The following HERC3 variants were observed in gnomAD, a reference collection of about 807,000 sequenced individuals.
The protein encoded by HERC3 is probable E3 ubiquitin-protein ligase HERC3.
Under a neutral mutation model 129.9 loss-of-function variants are expected in HERC3, and 58 were observed. That is an observed-to-expected ratio of 0.45 (90% CI 0.36 to 0.56). The LOEUF is 0.56. Ranked by LOEUF, HERC3 falls within the 20% of genes least tolerant of loss-of-function variation. The pLI is 0.00. For missense variants in HERC3, 835 were observed against 1,244.2 expected (o/e 0.67, Z 4.95); for synonymous variants, 430 against 451.0 (o/e 0.95, Z 0.59).
At chr4:88,644,651 T>C (rs1423675213) in intron 3 of HERC3, among the ~76,000 whole-genome samples, 3 of 152,034 alleles carry the variant, frequency 2.0e-5, no homozygotes, top group Admixed American at 6.6e-5. Flanking sequence ...ATTTTTGGGG[T>C]GATGGGACTG....
rs376384871 is a variant in HERC3 at position 88,685,596 on chromosome 4, G to A, written c.2508-1140G>A. On this transcript the variant is annotated intron_variant, in intron 21 of 25. Coordinates refer to ENST00000402738, the MANE Select transcript of HERC3 (RefSeq NM_014606.3). ...GGAACATCACACACTGGGGCCTTTC[G>A]GGTGGTGGAGGTGGGAACGGGAGGG... 1.1e-4 allele frequency among the ~76,000 whole-genome samples: 17 copies of A among 152,162 alleles called. No individual in the cohort carries two copies. The East Asian group carries it at 2.1e-3, about 19-fold the overall frequency.
intron 10 of HERC3, among the ~76,000 whole-genome samples, chr4:88,659,151 C>T (rs1730224686): frequency 6.6e-6 from 1 of 152,202 alleles, no homozygotes; most frequent in African/African-American, 2.4e-5. Context: ...TGGACTCCTT[C>T]CCCTGTGCTT....
At chr4:88,695,195 G>T (rs1734477840) in intron 23 of HERC3, among the ~76,000 whole-genome samples, 1 of 151,900 alleles carries the variant, frequency 6.6e-6, no homozygotes, top group Admixed American at 6.6e-5. Flanking sequence ...TTCTCTTTTG[G>T]TTGGCCTGAG....
At chr4:88,654,410 T>TTA (rs952017166) in intron 7 of HERC3, among the ~76,000 whole-genome samples, 26 of 139,228 alleles carry the variant, frequency 1.9e-4, no homozygotes, top group African/African-American at 2.6e-4. Context: ...ATAATGTAGA[T>TTA]TATATATATA....
chr4:88,702,419 C>G (rs142793606), intron 23 of HERC3, among the ~76,000 whole-genome samples: 3 of 152,190 alleles, frequency 2.0e-5, no homozygotes, highest in African/African-American at 7.2e-5. Flanking sequence ...AGAGCTACTA[C>G]CTTTTATAAG....
chr4:88,686,464 T>A (rs1733473408), intron 21 of HERC3, among the ~76,000 whole-genome samples: 1 of 152,196 alleles, frequency 6.6e-6, no homozygotes, highest in Admixed American at 6.5e-5. Context: ...CACAAGTATG[T>A]CAGATTAAAA....
At position 88,686,720 on chromosome 4, in the gene HERC3, G is replaced by A. The variant is rs1733511355; in HGVS notation, c.2508-16G>A. On this transcript the variant is annotated splice_polypyrimidine_tract_variant and intron_variant, in intron 21 of 25. Transcript: ENST00000402738. Reference sequence around the variant, plus strand: ...TCTGACTTGCCACTTTTCCTTTTCTGTCATTCTATGATTAGGAGTCTCCAA... The same window carrying A: ...TCTGACTTGCCACTTTTCCTTTTCTATCATTCTATGATTAGGAGTCTCCAA... 3.2e-6 allele frequency: 5 copies of A among 1,583,354 alleles called. No individual in the cohort carries two copies. Among genetic ancestry groups the A allele is most frequent in the Non-Finnish European group, 4.3e-6 (5 of 1,152,676 alleles).
the HERC3 span, among the ~76,000 whole-genome samples, chr4:88,556,020 AG>A: frequency 2.0e-5 from 3 of 152,208 alleles, no homozygotes; most frequent in African/African-American, 2.4e-5. Flanking sequence ...GAGTTAAAGG[AG>A]GTTTGAAATT....
chr4:88,596,039 C>T (rs903327782), intron 2 of HERC3, among the ~76,000 whole-genome samples: 19 of 151,704 alleles, frequency 1.3e-4, no homozygotes, highest in Non-Finnish European at 1.8e-4. Flanking sequence ...TTAGTAGAGA[C>T]GGGGTTTCAC....
At chr4:88,585,299 C>T in the HERC3 span, among the ~76,000 whole-genome samples, 5 of 152,280 alleles carry the variant, frequency 3.3e-5, no homozygotes, top group East Asian at 5.8e-4. Flanking sequence ...CAGCAGGTTA[C>T]AAAAGTACTC....
At chr4:88,621,132 G>C (rs1578183845) in intron 3 of HERC3, among the ~76,000 whole-genome samples, 1 of 151,914 alleles carries the variant, frequency 6.6e-6, no homozygotes, top group African/African-American at 2.4e-5. Flanking sequence ...TTTTGAGTCG[G>C]AGTCTCGCTC....
the HERC3 span, among the ~76,000 whole-genome samples, chr4:88,566,756 G>T: frequency 6.6e-6 from 1 of 152,126 alleles, no homozygotes; most frequent in African/African-American, 2.4e-5. Flanking sequence ...AGACATTTTT[G>T]CTGGATATAC....
intron 23 of HERC3, chr4:88,693,105 C>T (rs896732434): frequency 4.1e-5 from 40 of 984,366 alleles, no homozygotes; most frequent in Non-Finnish European, 4.8e-5. Flanking sequence ...TAGTGACTGC[C>T]ATGGTTTGCT....
the HERC3 span, among the ~76,000 whole-genome samples, chr4:88,551,258 G>A: frequency 0.16 from 23,703 of 151,862 alleles, 3,966 homozygotes; most frequent in African/African-American, 0.42. Flanking sequence ...AAAAGCAATG[G>A]CAACAAAAGC....
the HERC3 span, among the ~76,000 whole-genome samples, chr4:88,558,071 C>CAAAAAAAAAAAAA: frequency 1.0e-4 from 4 of 39,156 alleles, no homozygotes; most frequent in Admixed American, 3.1e-4. Flanking sequence ...GACTCTGACT[C>CAAAAAAAAAAAAA]AAAAAAAAAA....
rs751498349 is a variant in HERC3 at position 88,707,010 on chromosome 4, G to A, written c.*50G>A. 2.8e-6 allele frequency: 4 copies of A among 1,420,948 alleles called. No individual in the cohort carries two copies. In the East Asian group the frequency reaches 6.8e-5, roughly 24 times the overall value. 88.0% of individuals were successfully genotyped at this position (1,420,948 alleles called of 1,614,324 possible). A position where few individuals can be genotyped will look rare whatever the true frequency, so the allele number is the denominator to read the frequency against. ...CCCTTCGTTCCTCAGTGTCCACATT[G>A]AGGCCTATACAGAAAATCATGGGGA... On this transcript the variant is annotated 3_prime_UTR_variant, in exon 26 of 26. Coordinates refer to ENST00000402738, the MANE Select transcript of HERC3 (RefSeq NM_014606.3).
intron 21 of HERC3, 125 bp downstream of exon 21, chr4:88,681,450 T>C (rs1578305976): frequency 2.6e-6 from 2 of 767,916 alleles, no homozygotes; most frequent in South Asian, 1.8e-5. Context: ...GACCCTGTTA[T>C]GTGTGTTTTG....
the HERC3 span, among the ~76,000 whole-genome samples, chr4:88,531,367 C>A: frequency 6.6e-6 from 1 of 152,050 alleles, no homozygotes; most frequent in Non-Finnish European, 1.5e-5. Context: ...GGAGTCATCA[C>A]CACTATTTTG....
intron 23 of HERC3, among the ~76,000 whole-genome samples, chr4:88,689,743 A>T (rs559903288): frequency 6.6e-6 from 1 of 151,714 alleles, no homozygotes; most frequent in South Asian, 2.1e-4. Context: ...ATGCCTGGCT[A>T]ATTTTTGTAT....
Sources: gnomAD v4.1 joint callset for allele counts (sites outside exome capture counted in the v4.1 genomes callset) on GRCh38, gnomAD v4.1.1 for gene constraint, MANE v1.5 for transcripts, NCBI Gene and HGNC (gene_info 2026-07-23, HGNC 2026-07-21) for gene names.